Variants in MAGI3 observed in about 807,000 individuals in gnomAD.
MAGI3 encodes the protein membrane associated guanylate kinase, WW and PDZ domain containing 3.
Under a neutral mutation model 121.8 loss-of-function variants are expected in MAGI3, and 43 were observed. That is an observed-to-expected ratio of 0.35 (90% CI 0.28 to 0.46). The LOEUF is 0.46. Ranked by LOEUF, MAGI3 falls within the 20% of genes least tolerant of loss-of-function variation. MAGI3 has a pLI of 1.00. For synonymous variants in MAGI3, 553 were observed against 639.3 expected (o/e 0.86, Z 2.04); for missense variants, 1,547 against 1,797.3 (o/e 0.86, Z 2.52).
intron 1 of MAGI3, among the ~76,000 whole-genome samples, chr1:113,518,935 G>A (rs1011233016): frequency 2.0e-5 from 3 of 151,994 alleles, no homozygotes; most frequent in Non-Finnish European, 4.4e-5. Context: ...ACAATTTTTG[G>A]ATATATATTG....
intron 19 of MAGI3, among the ~76,000 whole-genome samples, chr1:113,677,468 C>T (rs1647946503): frequency 2.0e-5 from 3 of 152,136 alleles, no homozygotes; most frequent in Admixed American, 6.5e-5. Flanking sequence ...CCGTCGTCCT[C>T]GAAGATCGGT....
intron 1 of MAGI3, among the ~76,000 whole-genome samples, chr1:113,516,349 C>T (rs1657895965): frequency 7.3e-6 from 1 of 137,068 alleles, no homozygotes; most frequent in Admixed American, 8.0e-5. Flanking sequence ...ACAAGATGAG[C>T]CTGGAGCATT....
At chr1:113,440,406 A>G (rs555416289) in intron 1 of MAGI3, among the ~76,000 whole-genome samples, 20 of 152,282 alleles carry the variant, frequency 1.3e-4, no homozygotes, top group Admixed American at 9.8e-4. Context: ...TAGTCTTAGG[A>G]TATCTGTGAA....
intron 19 of MAGI3, among the ~76,000 whole-genome samples, chr1:113,676,969 C>A (rs948648053): frequency 2.6e-5 from 4 of 152,080 alleles, no homozygotes; most frequent in African/African-American, 7.2e-5. Context: ...TTTTTAAGAT[C>A]AGTTCCCAGG....
intron 1 of MAGI3, among the ~76,000 whole-genome samples, chr1:113,460,456 C>T (rs1467635505): frequency 2.0e-5 from 3 of 152,164 alleles, no homozygotes; most frequent in Non-Finnish European, 2.9e-5. Context: ...AAAGGGCACC[C>T]ATACAGGAAG....
At chr1:113,612,634 A>AC (rs1169475136) in intron 6 of MAGI3, among the ~76,000 whole-genome samples, 5 of 62,576 alleles carry the variant, frequency 8.0e-5, no homozygotes, top group Admixed American at 2.3e-4. Flanking sequence ...ACAAAACCAA[A>AC]CAAAAAAAAC....
intron 2 of MAGI3, among the ~76,000 whole-genome samples, chr1:113,570,269 A>G (rs1474925375): frequency 6.6e-6 from 1 of 151,896 alleles, no homozygotes; most frequent in Non-Finnish European, 1.5e-5. Flanking sequence ...CCTGTGCCAC[A>G]TTTTCTTTAT....
At chr1:113,625,956 TTTTTGTTTTTG>T (rs1651212768) in intron 9 of MAGI3, among the ~76,000 whole-genome samples, 2 of 152,220 alleles carry the variant, frequency 1.3e-5, no homozygotes, top group South Asian at 4.1e-4. Flanking sequence ...TATTATAGTT[TTTTTGTTTTTG>T]TTTTGTTTTG....
chr1:113,437,873 T>TTCC, intron 1 of MAGI3, among the ~76,000 whole-genome samples: 2 of 7,038 alleles, frequency 2.8e-4, no homozygotes, highest in Non-Finnish European at 5.1e-4. Context: ...CCTCTTCTTC[T>TTCC]TCTTCTCCTT....
intron 19 of MAGI3, among the ~76,000 whole-genome samples, chr1:113,679,801 G>A (rs1648105414): frequency 6.6e-6 from 1 of 151,730 alleles, no homozygotes; most frequent in Admixed American, 6.6e-5. Flanking sequence ...CACCTCCCAG[G>A]TTCAAGTAAT....
intron 1 of MAGI3, among the ~76,000 whole-genome samples, chr1:113,536,674 T>C (rs1282904378): frequency 1.3e-5 from 2 of 152,142 alleles, no homozygotes; most frequent in Non-Finnish European, 2.9e-5. Context: ...GAAGCAATTG[T>C]TGTTGGTTCC....
At chr1:113,417,973 T>C (rs1652540739) in intron 1 of MAGI3, among the ~76,000 whole-genome samples, 2 of 152,172 alleles carry the variant, frequency 1.3e-5, no homozygotes, top group African/African-American at 4.8e-5. Flanking sequence ...TTTTCTTTCT[T>C]TATAATATTT....
rs1650736782 is a variant in MAGI3, at chr1:113,390,754, G to A, written c.-280G>A. ...CCCGAAGCCCCTTCTGGAACCTCCT[G>A]GGGACAATTCCCTTTTCCTTTCTTC... On this transcript the variant is annotated 5_prime_UTR_variant, in exon 1 of 21. Coordinates refer to ENST00000307546, the MANE Select transcript of MAGI3 (RefSeq NM_001142782.2). 1 of 182,362 alleles carries A rather than the reference G, an allele frequency of 5.5e-6. No homozygotes were observed. Among genetic ancestry groups the A allele is most frequent in the South Asian group, 2.0e-4 (1 of 5,110 alleles). The allele number at this position is 182,362 out of a possible 1,614,324, so 11.3% of individuals were successfully genotyped here.
chr1:113,457,218 A>T (rs1256801501), intron 1 of MAGI3, among the ~76,000 whole-genome samples: 1 of 152,064 alleles, frequency 6.6e-6, no homozygotes, highest in Non-Finnish European at 1.5e-5. Context: ...TTTTCAGTGG[A>T]ATTAAACCAA....
chr1:113,454,683 C>A (rs377019598), intron 1 of MAGI3, among the ~76,000 whole-genome samples: 5 of 151,996 alleles, frequency 3.3e-5, no homozygotes, highest in South Asian at 4.1e-4. Context: ...GTATGATGTT[C>A]CCCTCCCTGT....
chr1:113,645,289 G>A (rs902508051), intron 11 of MAGI3, among the ~76,000 whole-genome samples: 1 of 152,160 alleles, frequency 6.6e-6, no homozygotes, highest in African/African-American at 2.4e-5. Context: ...CTCCCAAAGT[G>A]CTGGGATTAC....
intron 10 of MAGI3, 126 bp from the exon 11 acceptor site, chr1:113,643,617 G>A: frequency 2.5e-6 from 2 of 800,564 alleles, no homozygotes; most frequent in Non-Finnish European, 4.3e-6. Flanking sequence ...CTGGTACATA[G>A]GAGGTTAGAC....
chr1:113,478,409 G>C (rs902469395), intron 1 of MAGI3, among the ~76,000 whole-genome samples: 9 of 152,174 alleles, frequency 5.9e-5, no homozygotes, highest in African/African-American at 1.9e-4. Context: ...TACAGATGGG[G>C]TTTTGGTGTA....
At chr1:113,437,365 C>A (rs1330994856) in intron 1 of MAGI3, among the ~76,000 whole-genome samples, 1 of 151,976 alleles carries the variant, frequency 6.6e-6, no homozygotes, top group Non-Finnish European at 1.5e-5. Context: ...ATTACTAATT[C>A]AGTAATTCAT....
Sources: gnomAD v4.1 joint callset for allele counts (sites outside exome capture counted in the v4.1 genomes callset) on GRCh38, gnomAD v4.1.1 for gene constraint, MANE v1.5 for transcripts, NCBI Gene and HGNC (gene_info 2026-07-23, HGNC 2026-07-21) for gene names.